Variants in MDGA2 observed in about 807,000 individuals in gnomAD.
MDGA2 encodes the protein MAM domain-containing glycosylphosphatidylinositol anchor protein 2.
In MDGA2, 40 loss-of-function variants were observed where a neutral mutation model predicts 117.8. The observed-to-expected ratio is 0.34, with a 90% confidence interval of 0.26 to 0.44. The LOEUF (loss-of-function observed/expected upper bound fraction) is 0.44, where lower values mean the gene tolerates loss of function less well. Among genes scored for constraint, MDGA2 ranks in the 20% least tolerant of loss-of-function variants. The pLI, the probability that MDGA2 is intolerant of heterozygous loss-of-function variation, is 1.00. For synonymous variants in MDGA2, 452 were observed against 439.0 expected (o/e 1.03, Z -0.37); for missense variants, 1,123 against 1,250.6 (o/e 0.90, Z 1.54).
At chr14:47,022,318 A>G (rs911708522) in intron 8 of MDGA2, among the ~76,000 whole-genome samples, 1 of 152,134 alleles carries the variant, frequency 6.6e-6, no homozygotes. Flanking sequence ...GACTCAAGCA[A>G]TCTGCCCACC....
chr14:47,597,845 TACACACACACACACACAC>T (rs35221587), intron 1 of MDGA2, among the ~76,000 whole-genome samples: 1 of 141,290 alleles, frequency 7.1e-6, no homozygotes, highest in Non-Finnish European at 1.5e-5. Flanking sequence ...CACACACACA[TACACACACACACACACAC>T]ACACACACAC....
intron 1 of MDGA2, among the ~76,000 whole-genome samples, chr14:47,567,949 TGG>T (rs1895950116): frequency 6.6e-6 from 1 of 152,036 alleles, no homozygotes; most frequent in Non-Finnish European, 1.5e-5. Context: ...TTGGACGTTC[TGG>T]GCTACTCCCA....
chr14:47,361,691 C>T (rs996956968), intron 1 of MDGA2, among the ~76,000 whole-genome samples: 2 of 151,946 alleles, frequency 1.3e-5, no homozygotes, highest in East Asian at 1.9e-4. Flanking sequence ...GAGATTGGAC[C>T]AGATGAGTTC....
chr14:47,172,524 T>C (rs968622824), intron 3 of MDGA2, among the ~76,000 whole-genome samples: 1 of 152,152 alleles, frequency 6.6e-6, no homozygotes, highest in Admixed American at 6.6e-5. Flanking sequence ...CCGCTGCTGA[T>C]ACCCAAGCAA....
rs559752551 is a variant in MDGA2 at position 47,037,193 on chromosome 14, C to A, written c.1526-1889G>T. On this transcript the variant is annotated intron_variant, in intron 7 of 16. Transcript: ENST00000399232. ...TATTCACCCTCCATGGGAAAGGGTG[C>A]AGAATAACCTCAGCATTTAACATTT... 7.2e-5 allele frequency among the ~76,000 whole-genome samples: 11 copies of A among 152,294 alleles called. No homozygotes were observed. In the South Asian group the frequency reaches 1.9e-3, roughly 26 times the overall value.
intron 3 of MDGA2, among the ~76,000 whole-genome samples, chr14:47,190,242 G>A (rs1566673175): frequency 6.6e-6 from 1 of 152,172 alleles, no homozygotes; most frequent in Non-Finnish European, 1.5e-5. Flanking sequence ...CCTTTGCAAC[G>A]CTGCTGTGGT....
At chr14:47,425,546 A>T (rs549101922) in intron 1 of MDGA2, among the ~76,000 whole-genome samples, 56 of 152,220 alleles carry the variant, frequency 3.7e-4, no homozygotes, top group African/African-American at 1.0e-3. Context: ...AAAGCCACTG[A>T]GGCTATAATC....
chr14:47,112,320 G>A (rs1301715066), intron 5 of MDGA2, among the ~76,000 whole-genome samples: 1 of 152,114 alleles, frequency 6.6e-6, no homozygotes, highest in Non-Finnish European at 1.5e-5. Context: ...GTGCCATGGT[G>A]GTTTTCTGCA....
At chr14:46,874,278 A>T in intron 12 of MDGA2, 78 bp from the exon 13 acceptor site, 3 of 669,382 alleles carry the variant, frequency 4.5e-6, no homozygotes, top group Non-Finnish European at 6.5e-6. Flanking sequence ...AAAAATGTAA[A>T]ATATTACATA....
intron 6 of MDGA2, among the ~76,000 whole-genome samples, chr14:47,073,387 C>T (rs2138851201): frequency 6.6e-6 from 1 of 152,228 alleles, no homozygotes; most frequent in Admixed American, 6.5e-5. Flanking sequence ...TCTATAGAGC[C>T]TCAATCTCCC....
intron 1 of MDGA2, among the ~76,000 whole-genome samples, chr14:47,361,328 G>A (rs918137260): frequency 6.6e-5 from 10 of 151,858 alleles, no homozygotes; most frequent in South Asian, 2.1e-4. Context: ...ATCTGCAAGC[G>A]AAGGAGAGAG....
At chr14:47,234,522 A>C (rs893089926) in intron 2 of MDGA2, among the ~76,000 whole-genome samples, 43 of 152,122 alleles carry the variant, frequency 2.8e-4, no homozygotes, top group Admixed American at 2.4e-3. Context: ...GATTCCCAAG[A>C]AGTCCTGGGA....
intron 5 of MDGA2, among the ~76,000 whole-genome samples, chr14:47,123,256 T>C (rs528642402): frequency 6.6e-6 from 1 of 152,170 alleles, no homozygotes; most frequent in Admixed American, 6.5e-5. Flanking sequence ...ATTTCATTGG[T>C]AGGACAACAA....
chr14:47,193,933 G>C (rs1885199704), intron 3 of MDGA2, among the ~76,000 whole-genome samples: 2 of 152,080 alleles, frequency 1.3e-5, no homozygotes, highest in African/African-American at 2.4e-5. Context: ...GTTATTAAAT[G>C]GTCAGACTTA....
At chr14:47,035,771 T>G (rs1246983664) in intron 7 of MDGA2, among the ~76,000 whole-genome samples, 1 of 152,176 alleles carries the variant, frequency 6.6e-6, no homozygotes, top group East Asian at 1.9e-4. Context: ...ATTTGTTTTT[T>G]GCCTAGTGGG....
At chr14:46,876,056 A>T (rs1882215431) in intron 12 of MDGA2, among the ~76,000 whole-genome samples, 1 of 151,602 alleles carries the variant, frequency 6.6e-6, no homozygotes, top group Non-Finnish European at 1.5e-5. Flanking sequence ...AAACTACAAA[A>T]AATGTCAGTT....
intron 2 of MDGA2, chr14:47,299,659 A>C (rs565638592): frequency 1.3e-5 from 2 of 152,216 alleles, no homozygotes; most frequent in East Asian, 3.9e-4. Flanking sequence ...ACTGGACTTC[A>C]TTGTTTTCTG....
At chr14:47,130,581 A>G (rs935649886) in intron 5 of MDGA2, among the ~76,000 whole-genome samples, 6 of 152,202 alleles carry the variant, frequency 3.9e-5, no homozygotes, top group Non-Finnish European at 8.8e-5. Flanking sequence ...ATTTTACAAT[A>G]AAGTCCTAGG....
chr14:46,938,930 C>T lies in MDGA2; in HGVS notation c.2089+18444G>A, dbSNP rs191457533. ...TATACACAATGAAATACTATTTGGCCATAAAAAAGTATGAAATTCTGTCAT... is the reference window on the plus strand; with the variant it reads ...TATACACAATGAAATACTATTTGGCTATAAAAAAGTATGAAATTCTGTCAT... On this transcript the variant is annotated intron_variant, in intron 9 of 16. Coordinates refer to ENST00000399232, the MANE Select transcript of MDGA2 (RefSeq NM_001113498.3). Among the ~76,000 whole-genome samples the T allele has an allele frequency of 5.2e-3, 786 of 152,164 alleles. 3 individuals carry two copies. Among genetic ancestry groups the T allele is most frequent in the Middle Eastern group, 0.01 (3 of 294 alleles).
Sources: gnomAD v4.1 joint callset for allele counts (sites outside exome capture counted in the v4.1 genomes callset) on GRCh38, gnomAD v4.1.1 for gene constraint, MANE v1.5 for transcripts, NCBI Gene and HGNC (gene_info 2026-07-23, HGNC 2026-07-21) for gene names.